Variants in SEMA6C observed in about 807,000 individuals in gnomAD.
The protein encoded by SEMA6C is semaphorin 6C, also known as semaphorin-6C.
SEMA6C carries 37 observed loss-of-function variants against 72.9 expected under a neutral mutation model. That is an observed-to-expected ratio of 0.51 (90% CI 0.39 to 0.67). SEMA6C has a LOEUF of 0.67. Ranked by LOEUF, SEMA6C falls within the 30% of genes least tolerant of loss-of-function variation. The pLI is 0.00. For missense variants in SEMA6C, 1,189 were observed against 1,263.6 expected (o/e 0.94, Z 0.89); for synonymous variants, 578 against 554.1 (o/e 1.04, Z -0.61).
rs771054527 is a variant in SEMA6C at position 151,138,019 on chromosome 1, G to A, written c.634C>T (p.Arg212Cys). ...CACTTGGAGTCATACTTGGCGGAGC[G>A]GAGTGGGGGCTGGGGCCCAAGGCTT... Reference protein sequence around the residue: ...YRSLGPQPPLRSAKYDSKWLR... With the variant: ...YRSLGPQPPLCSAKYDSKWLR... The change falls in exon 9 of 19, where the codon CGC becomes TGC. Residue 212 changes from arginine to cysteine, a missense_variant. Coordinates refer to ENST00000368914, the MANE Select transcript of SEMA6C (RefSeq NM_030913.6). 14 of 1,614,198 alleles carry A rather than the reference G, an allele frequency of 8.7e-6. No individual in the cohort carries two copies. The highest frequency in any genetic ancestry group is 4.5e-5 in the East Asian group (2 of 44,882).
rs1391560171 is a variant in SEMA6C, at chr1:151,138,389, C to A, written c.474G>T (p.Gln158His). The A allele has an allele frequency of 6.2e-7, 1 of 1,613,730 alleles. No homozygotes were observed. The highest frequency in any genetic ancestry group is 8.5e-7 in the Non-Finnish European group (1 of 1,179,872). The change falls in exon 8 of 19, where the codon CAG becomes CAT. Residue 158 changes from glutamine to histidine, a missense_variant. Around this residue, in one of 2 missense-constraint regions of SEMA6C, gnomAD observed 468 missense variants for 577.4 expected, o/e 0.81. Transcript: ENST00000368914. ...CCTGCCCACTCAGTTCCTCACCCTC[C>A]TGCTGCAGCGAAGTTATCTGAGGGC... Reference protein sequence around the residue: ...CRSYGITSLQQEGEELSGQAR... With the variant: ...CRSYGITSLQHEGEELSGQAR...
chr1:151,134,977 C>T, intron 15 of SEMA6C, 102 bp from the exon 16 acceptor site: 2 of 1,356,632 alleles, frequency 1.5e-6, no homozygotes, highest in Non-Finnish European at 2.1e-6. Flanking sequence ...CTCCCAGCCT[C>T]ATTCTCTCCT....
chr1:151,137,850 C>CA (rs747010283), intron 9 of SEMA6C, 51 bp from the exon 10 acceptor site: 6 of 1,589,120 alleles, frequency 3.8e-6, no homozygotes, highest in Non-Finnish European at 5.2e-6. Flanking sequence ...TGTACCTGCT[C>CA]AGAAGCTCCT....
chr1:151,137,808 G>T lies in SEMA6C; in HGVS notation c.668-9C>A, dbSNP rs1237384056. The T allele has an allele frequency of 1.7e-5, 28 of 1,611,870 alleles. No homozygotes were observed. The highest frequency in any genetic ancestry group is 2.7e-5 in the African/African-American group (2 of 74,834). On this transcript the variant is annotated splice_polypyrimidine_tract_variant and intron_variant, in intron 9 of 18. Transcript: ENST00000368914. ...CTGGACAAAGTGTGGCTCTAAGATGGGGAATGACAGGAAAGGGTATAGAAG... is the reference window on the plus strand; with the variant it reads ...CTGGACAAAGTGTGGCTCTAAGATGTGGAATGACAGGAAAGGGTATAGAAG...
chr1:151,132,312 G>A lies in SEMA6C; in HGVS notation c.*172C>T, dbSNP rs1376437411. 3 of 1,538,786 alleles carry A rather than the reference G, an allele frequency of 1.9e-6. No individual in the cohort carries two copies. Among genetic ancestry groups the A allele is most frequent in the African/African-American group, 1.4e-5 (1 of 72,942 alleles). On this transcript the variant is annotated 3_prime_UTR_variant, in exon 19 of 19. Coordinates refer to ENST00000368914, the MANE Select transcript of SEMA6C (RefSeq NM_030913.6). ...TCCCACTCTTCTGTCGAGGACAGGG[G>A]GAAAGACAGTCAATAAATAAACCCG... is the stretch of plus-strand genomic sequence containing the variant.
Position 151,138,353 on chromosome 1 carries a change from G to A in SEMA6C, c.510C>T (p.Pro170=), listed in dbSNP as rs1457582413. The part of the protein sequence containing the change: ...GEELSGQARC[P]FDATQSNVAI... ...CCACGTTGGACTGGGTGGCATCAAAGGGGCATCGAGCCTGCCCACTCAGTT... is the reference window on the plus strand; with the variant it reads ...CCACGTTGGACTGGGTGGCATCAAAAGGGCATCGAGCCTGCCCACTCAGTT... The change falls in exon 8 of 19, where the codon CCC becomes CCT. Residue 170 remains proline (P), a synonymous_variant. Transcript: ENST00000368914. The A allele has an allele frequency of 6.2e-7, 1 of 1,614,062 alleles. No individual in the cohort carries two copies. The highest frequency in any genetic ancestry group is 8.5e-7 in the Non-Finnish European group (1 of 1,179,958).
Position 151,139,446 on chromosome 1 carries a change from A to G in SEMA6C, c.333T>C (p.Cys111=). The G allele has an allele frequency of 6.2e-7, 1 of 1,614,060 alleles. No individual in the cohort carries two copies. The highest frequency in any genetic ancestry group is 8.5e-7 in the Non-Finnish European group (1 of 1,179,942). Residue 111 remains cysteine, a synonymous_variant, in exon 6 of 19, where the codon TGT becomes TGC. Coordinates refer to ENST00000368914, the MANE Select transcript of SEMA6C (RefSeq NM_030913.6). ...TTACCGTCAGCTTTCCCCGTACAGC[A>G]CAGTTCTCCACATCTTGGCTTCTCC... The part of the protein sequence containing the change: ...LTWRSQDVEN[C]AVRGKLTDEC...
chr1:151,139,915 G>T, intron 4 of SEMA6C, 61 bp downstream of exon 4: 1 of 1,501,116 alleles, frequency 6.7e-7, no homozygotes, highest in Non-Finnish European at 9.2e-7. Context: ...TGGCCATACA[G>T]GTCCCAAGTC....
intron 6 of SEMA6C, among the ~76,000 whole-genome samples, chr1:151,139,109 AAAG>A (rs1682305983): frequency 1.3e-5 from 2 of 151,690 alleles, no homozygotes; most frequent in African/African-American, 2.4e-5. Context: ...AAAAAAAAAA[AAAG>A]AAAAGAAAAG....
chr1:151,137,157 A>G lies in SEMA6C; in HGVS notation c.757-83T>C, dbSNP rs181466267. On this transcript the variant is annotated intron_variant, in intron 10 of 18. Coordinates refer to ENST00000368914, the MANE Select transcript of SEMA6C (RefSeq NM_030913.6). ...GCAAGGAGTGTGGTGAGTTAAGAGC[A>G]GTAAGGGGCTGGGCGCGGTGGCTCA... 4.6e-4 allele frequency: 608 copies of G among 1,308,734 alleles called. 3 individuals carry two copies. In the African/African-American group the frequency reaches 6.2e-3, roughly 13 times the overall value. The allele number at this position is 1,308,734 out of a possible 1,614,324, so 81.1% of individuals were successfully genotyped here. A position where few individuals can be genotyped will look rare whatever the true frequency, so the allele number is the denominator to read the frequency against.
Position 151,132,711 on chromosome 1 carries a change from CGGAGAA to C in SEMA6C, c.2560_2565del (p.Phe854_Ser855del). The C allele has an allele frequency of 6.7e-7, 1 of 1,485,702 alleles. No homozygotes were observed. Among genetic ancestry groups the C allele is most frequent in the Non-Finnish European group, 9.0e-7 (1 of 1,116,568 alleles). 92.0% of individuals were successfully genotyped at this position (1,485,702 alleles called of 1,614,324 possible). On this transcript the variant is annotated inframe_deletion, in exon 19 of 19. Coordinates refer to ENST00000368914, the MANE Select transcript of SEMA6C (RefSeq NM_030913.6). ...AGCAGGGCAGGGGGGGCCCGGTGGC[CGGAGAA>C]AGGCAACCTCCGGCCTCCGCCGACG...
At chr1:151,140,736 T>C (rs1019400540) in intron 3 of SEMA6C, among the ~76,000 whole-genome samples, 6 of 152,248 alleles carry the variant, frequency 3.9e-5, no homozygotes, top group African/African-American at 9.6e-5. Context: ...GGCTCACGCC[T>C]GTAATCCCAG....
At chr1:151,138,793 T>C (rs1385126793) in intron 6 of SEMA6C, 62 bp from the exon 7 acceptor site, 31 of 1,358,830 alleles carry the variant, frequency 2.3e-5, no homozygotes, top group Non-Finnish European at 3.2e-5. Context: ...CAGGAGGTAA[T>C]AGAAAGGTGG....
intron 17 of SEMA6C, 73 bp downstream of exon 17, chr1:151,134,547 C>A: frequency 6.2e-7 from 1 of 1,606,424 alleles, no homozygotes; most frequent in East Asian, 2.2e-5. Context: ...AAAGGCCAAG[C>A]CTGGGATGGT....
At chr1:151,135,035 G>T in intron 15 of SEMA6C, 128 bp downstream of exon 15, 1 of 1,413,826 alleles carries the variant, frequency 7.1e-7, no homozygotes, top group Non-Finnish European at 9.8e-7. Context: ...CCTTCAGAAT[G>T]CTTGAGGTAC....
rs587772752 is a variant in SEMA6C, at chr1:151,138,185, A to G, written c.548-80T>C. 1.4e-4 allele frequency: 225 copies of G among 1,591,000 alleles called. 1 individual carries two copies. The African/African-American group carries it at 2.7e-3, about 19-fold the overall frequency. ...CTCTTCTTGGGCCTCCTGCACCCCT[A>G]CCTAGGCCTGGCCCTGGTCCCTACC... On this transcript the variant is annotated intron_variant, in intron 8 of 18. Coordinates refer to ENST00000368914, the MANE Select transcript of SEMA6C (RefSeq NM_030913.6).
At chr1:151,144,497 A>G (rs1411159358) in intron 1 of SEMA6C, 63 bp from the exon 2 acceptor site, 1 of 152,648 alleles carries the variant, frequency 6.6e-6, no homozygotes, top group East Asian at 1.9e-4. Flanking sequence ...CACATCCCTT[A>G]CAAGTAAATG....
Position 151,133,242 on chromosome 1 carries a change from G to A in SEMA6C, c.2035C>T (p.Leu679Phe), listed in dbSNP as rs777684587. 2.5e-6 allele frequency: 4 copies of A among 1,568,950 alleles called. No homozygotes were observed. The highest frequency in any genetic ancestry group is 3.4e-6 in the Non-Finnish European group (4 of 1,164,118). ...KDGDAVQTPQ[L>F]YTTFLPPPEG... ...GGAGGCGGCAGGAAGGTGGTGTAGA[G>A]CTGCGGCGTCTGCACCGCGTCCCCG... Residue 679 changes from leucine to phenylalanine, a missense_variant, in exon 19 of 19, where the codon CTC (leucine) becomes TTC (phenylalanine). Physicochemically the swap from Leu to Phe is conservative, Grantham distance 22 (BLOSUM62 0). Around this residue, in one of 2 missense-constraint regions of SEMA6C, gnomAD observed 721 missense variants for 686.2 expected, o/e 1.05. Transcript: ENST00000368914. This position sits in a 1 kb window ranked among gnomAD's most constrained non-coding sequence, Gnocchi z 5.9.
chr1:151,134,443 C>A lies in SEMA6C; in HGVS notation c.1717G>T (p.Gly573Ter). ...ESMEHGDCQDGATGSQSGPGD... is the reference protein window; with the variant it reads ...ESMEHGDCQD Reference sequence around the variant, plus strand: ...GGGCCAGACTGACTCCCAGTAGCTCCATCTATGAAGAAGGGACAGGGTGAA... The same window carrying A: ...GGGCCAGACTGACTCCCAGTAGCTCAATCTATGAAGAAGGGACAGGGTGAA... Residue 573 changes from glycine (G) to a stop codon, truncating the protein, a stop_gained and splice_region_variant, in exon 18 of 19, where the codon GGA (glycine) becomes TGA (stop). Transcript: ENST00000368914. LOFTEE classifies it low-confidence loss of function (END_TRUNC). 1 of 1,602,700 alleles carries A rather than the reference C, an allele frequency of 6.2e-7. No homozygotes were observed. Among genetic ancestry groups the A allele is most frequent in the Non-Finnish European group, 8.5e-7 (1 of 1,174,300 alleles).
Sources: allele counts gnomAD v4.1 joint callset (sites outside exome capture counted in the v4.1 genomes callset), GRCh38; gene constraint gnomAD v4.1.1; regional missense constraint gnomAD v4.1.1; non-coding constraint Gnocchi (gnomAD v3.1); transcripts MANE v1.5; gene names NCBI Gene and HGNC (gene_info 2026-07-23, HGNC 2026-07-21).